FCRL4: variants seen among roughly 807,000 people sequenced by gnomAD.
FCRL4 encodes the protein Fc receptor-like protein 4.
Under a neutral mutation model 64.1 loss-of-function variants are expected in FCRL4, and 43 were observed. That is an observed-to-expected ratio of 0.67 (90% CI 0.53 to 0.87). The LOEUF (loss-of-function observed/expected upper bound fraction) is 0.87. FCRL4 is among the 40% of genes least tolerant of loss of function. The pLI, the probability that FCRL4 is intolerant of heterozygous loss-of-function variation, is 0.00. For missense variants in FCRL4, 656 were observed against 613.5 expected (o/e 1.07, Z -0.73); for synonymous variants, 253 against 239.8 (o/e 1.05, Z -0.51).
At chr1:157,592,425 G>A (rs1288918582) in intron 2 of FCRL4, among the ~76,000 whole-genome samples, 1 of 152,072 alleles carries the variant, frequency 6.6e-6, no homozygotes, top group Non-Finnish European at 1.5e-5. Context: ...AGTGGGCAAA[G>A]GATATGAACA....
intron 10 of FCRL4, among the ~76,000 whole-genome samples, chr1:157,577,332 C>T (rs1652439123): frequency 6.6e-6 from 1 of 152,090 alleles, no homozygotes; most frequent in African/African-American, 2.4e-5. Flanking sequence ...TTGCAGTTAC[C>T]TAGAGAGGTA....
In FCRL4 at chr1:157,574,297, T is replaced by C; in HGVS notation, c.*1227A>G. 1 of 216,150 alleles carries C rather than the reference T, an allele frequency of 4.6e-6. No homozygotes were observed. The allele number at this position is 216,150 out of a possible 1,614,324, so 13.4% of individuals were successfully genotyped here. A position where few individuals can be genotyped will look rare whatever the true frequency, so the allele number is the denominator to read the frequency against. On this transcript the variant is annotated 3_prime_UTR_variant, in exon 12 of 12. Coordinates refer to ENST00000271532, the MANE Select transcript of FCRL4 (RefSeq NM_031282.3). ...TTATGTTTTGCTGGTTGCAATCCCATAATGTTATTTAAACAAATTCCTTTT... is the reference window on the plus strand; with the variant it reads ...TTATGTTTTGCTGGTTGCAATCCCACAATGTTATTTAAACAAATTCCTTTT...
chr1:157,593,248 AT>A (rs1652878512), intron 2 of FCRL4, among the ~76,000 whole-genome samples: 1 of 152,238 alleles, frequency 6.6e-6, no homozygotes, highest in African/African-American at 2.4e-5. Context: ...TAATAAAAAA[AT>A]AAGACTATTG....
chr1:157,579,699 A>AATACATACATACATACATAC (rs71084243), intron 8 of FCRL4, among the ~76,000 whole-genome samples: 7 of 123,660 alleles, frequency 5.7e-5, no homozygotes, highest in East Asian at 2.2e-4. Flanking sequence ...CCTGGGTGAC[A>AATACATACATACATACATAC]ATACATACAT....
intron 2 of FCRL4, among the ~76,000 whole-genome samples, chr1:157,591,647 C>A (rs930853956): frequency 6.6e-6 from 1 of 152,118 alleles, no homozygotes; most frequent in African/African-American, 2.4e-5. Context: ...ACCTCAAAGG[C>A]ACTCTCTTGT....
At chr1:157,596,496 A>ACGGGC in intron 1 of FCRL4, 148 bp from the exon 2 acceptor site, 21 of 827,462 alleles carry the variant, frequency 2.5e-5, no homozygotes, top group South Asian at 3.1e-5. Context: ...GGGGAAACAC[A>ACGGGC]GTGGCCAGAC....
rs1652350343 is a variant in FCRL4, at chr1:157,574,216, T to TC, written c.*1307dup. ...CTCTCTTCTTTTTATTTCATTTTTT[T>TC]CCCATTTATTTGTTATAGAAGCCAG... On this transcript the variant is annotated 3_prime_UTR_variant, in exon 12 of 12. Coordinates refer to ENST00000271532, the MANE Select transcript of FCRL4 (RefSeq NM_031282.3). 4.5e-6 allele frequency: 1 copy of TC among 222,088 alleles called. No homozygotes were observed. The highest frequency in any genetic ancestry group is 5.8e-5 in the Admixed American group (1 of 17,372). The allele number at this position is 222,088 out of a possible 1,614,324, so 13.8% of individuals were successfully genotyped here.
Position 157,574,030 on chromosome 1 carries a change from G to C in FCRL4, c.*1494C>G, listed in dbSNP as rs1652346545. 3 of 207,752 alleles carry C rather than the reference G, an allele frequency of 1.4e-5. No homozygotes were observed. The highest frequency in any genetic ancestry group is 5.9e-5 in the Admixed American group (1 of 16,856). The allele number at this position is 207,752 out of a possible 1,614,324, so 12.9% of individuals were successfully genotyped here. The stretch of plus-strand genomic sequence containing the variant: ...ATTTTTCTTTTTCTCTTTTTTTGGG[G>C]GTGATACATGTGACAAATTCATACA... On this transcript the variant is annotated 3_prime_UTR_variant, in exon 12 of 12. Transcript: ENST00000271532.
At position 157,587,308 on chromosome 1, in the gene FCRL4, T is replaced by A. The variant is rs1652722683; in HGVS notation, c.815A>T (p.Lys272Met). Reference protein sequence around the residue: ...GAETVRGNIHKHSPSLQIHVQ... With the variant: ...GAETVRGNIHMHSPSLQIHVQ... The stretch of plus-strand genomic sequence containing the variant: ...ATGGATCTGTAGCGAGGGACTGTGC[T>A]TGTGGATGTTACCCCTCACTGTTTC... Residue 272 changes from lysine to methionine, a missense_variant, in exon 5 of 12, where the codon AAG (lysine) becomes ATG (methionine). Physicochemically the swap from Lys to Met is moderately conservative, Grantham distance 95. Coordinates refer to ENST00000271532, the MANE Select transcript of FCRL4 (RefSeq NM_031282.3). The A allele has an allele frequency of 1.2e-6, 2 of 1,614,122 alleles. No homozygotes were observed. The highest frequency in any genetic ancestry group is 1.3e-5 in the African/African-American group (1 of 74,952).
Position 157,587,525 on chromosome 1 carries a change from A to G in FCRL4, c.598T>C (p.Ser200Pro). The change falls in exon 5 of 12, where the codon TCT becomes CCT. Residue 200 changes from serine to proline, a missense_variant. Physicochemically the swap from Ser to Pro is moderately conservative, Grantham distance 74. Coordinates refer to ENST00000271532, the MANE Select transcript of FCRL4 (RefSeq NM_031282.3). ...ACAGAATTCCCCTCTGTAGGCTGAG[A>G]GTCTGTAGCTTTCAGCTCTGGATGT... ...FPHPELKATD[S>P]QPTEGNSVNL... 1 of 1,614,170 alleles carries G rather than the reference A, an allele frequency of 6.2e-7. No homozygotes were observed. Among genetic ancestry groups the G allele is most frequent in the Non-Finnish European group, 8.5e-7 (1 of 1,180,024 alleles).
Position 157,585,783 on chromosome 1 carries a change from G to T in FCRL4, c.1135+385C>A, listed in dbSNP as rs190232341. On this transcript the variant is annotated intron_variant, in intron 6 of 11. Transcript: ENST00000271532. ...TGAGGCTGCAGGTCTGATGTGTGTG[G>T]TGTGTGTGAATGATTTACTGAAAGG... is the stretch of plus-strand genomic sequence containing the variant. Among the ~76,000 whole-genome samples the T allele has an allele frequency of 6.2e-4, 94 of 152,190 alleles. 1 individual carries two copies. Among genetic ancestry groups the T allele is most frequent in the Admixed American group, 2.5e-3 (38 of 15,284 alleles).
Position 157,586,439 on chromosome 1 carries a change from C to T in FCRL4, c.864G>A (p.Gly288=). The T allele has an allele frequency of 6.2e-7, 1 of 1,608,968 alleles. No individual in the cohort carries two copies. The highest frequency in any genetic ancestry group is 2.2e-5 in the East Asian group (1 of 44,840). Residue 288 remains glycine (G), a synonymous_variant, in exon 6 of 12, where the codon GGG becomes GGA. Transcript: ENST00000271532. ...QIHVQRIPVS[G]VLLETQPSGG... ...CTGAGGGCTGGGTCTCCAGGAGCAC[C>T]CCAGACACAGGGATCCCTATGTGAA... is the stretch of plus-strand genomic sequence containing the variant.
At chr1:157,597,888 G>C in intron 1 of FCRL4, 26 bp downstream of exon 1, 3 of 1,607,986 alleles carry the variant, frequency 1.9e-6, no homozygotes, top group Non-Finnish European at 2.6e-6. Context: ...TTTGCAGCAA[G>C]CAAAGGTCTC....
rs1054791519 is a variant in FCRL4 at position 157,574,115 on chromosome 1, C to T, written c.*1409G>A. ...TGGGATATCTGTCACCTTAAATATT[C>T]GTCTTTTCTTTATGTTGAAAATATT... On this transcript the variant is annotated 3_prime_UTR_variant, in exon 12 of 12. Coordinates refer to ENST00000271532, the MANE Select transcript of FCRL4 (RefSeq NM_031282.3). 6 of 217,944 alleles carry T rather than the reference C, an allele frequency of 2.8e-5. No homozygotes were observed. Among genetic ancestry groups the T allele is most frequent in the African/African-American group, 1.1e-4 (5 of 44,462 alleles). 13.5% of individuals were successfully genotyped at this position (217,944 alleles called of 1,614,324 possible). A position where few individuals can be genotyped will look rare whatever the true frequency, so the allele number is the denominator to read the frequency against.
intron 2 of FCRL4, among the ~76,000 whole-genome samples, chr1:157,591,759 G>A (rs1394829085): frequency 6.6e-6 from 1 of 152,144 alleles, no homozygotes; most frequent in Non-Finnish European, 1.5e-5. Flanking sequence ...TTAAAAATAA[G>A]AGGCTTAATT....
chr1:157,582,644 T>A (rs539209077), intron 6 of FCRL4, among the ~76,000 whole-genome samples: 13 of 152,350 alleles, frequency 8.5e-5, no homozygotes, highest in African/African-American at 2.9e-4. Context: ...ATCTATGATT[T>A]TGGGCACAGA....
intron 8 of FCRL4, among the ~76,000 whole-genome samples, chr1:157,579,115 T>G (rs1189102334): frequency 6.6e-6 from 1 of 152,220 alleles, no homozygotes; most frequent in African/African-American, 2.4e-5. Context: ...ATCGTAACAA[T>G]CATCGTCTCA....
chr1:157,585,249 C>G (rs1364949241), intron 6 of FCRL4, among the ~76,000 whole-genome samples: 1 of 91,702 alleles, frequency 1.1e-5, no homozygotes, highest in Admixed American at 1.2e-4. Context: ...CTTTCCTTTC[C>G]TTTCTTTCCT....
chr1:157,582,331 C>A (rs9787104), intron 6 of FCRL4, among the ~76,000 whole-genome samples: 1 of 151,790 alleles, frequency 6.6e-6, no homozygotes, highest in African/African-American at 2.4e-5. Flanking sequence ...TTGACCTAAC[C>A]CTTGAAGACC....
Sources: allele counts gnomAD v4.1 joint callset (sites outside exome capture counted in the v4.1 genomes callset), GRCh38; gene constraint gnomAD v4.1.1; transcripts MANE v1.5; gene names NCBI Gene and HGNC (gene_info 2026-07-23, HGNC 2026-07-21).